The following B4GALT4 variants were observed in gnomAD, a reference collection of about 807,000 sequenced individuals.
B4GALT4 encodes beta-1,4-galactosyltransferase 4.
A neutral mutation model predicts 37.3 loss-of-function variants in B4GALT4; 27 were observed. That is an observed-to-expected ratio of 0.72 (90% CI 0.53 to 1.00). The LOEUF is 1.00. B4GALT4 is among the 50% of genes least tolerant of loss of function. B4GALT4 has a pLI of 0.00. For missense variants in B4GALT4, 372 were observed against 413.1 expected (o/e 0.90, Z 0.86); for synonymous variants, 148 against 154.1 (o/e 0.96, Z 0.29).
intron 2 of B4GALT4, among the ~76,000 whole-genome samples, chr3:119,235,744 T>C (rs895269091): frequency 6.6e-5 from 10 of 152,184 alleles, no homozygotes; most frequent in African/African-American, 1.9e-4. Context: ...ATGACAGCCA[T>C]TTACATGTAC....
At chr3:119,221,941 A>G (rs1427367038) in intron 5 of B4GALT4, among the ~76,000 whole-genome samples, 1 of 152,234 alleles carries the variant, frequency 6.6e-6, no homozygotes, top group East Asian at 1.9e-4. Context: ...TGTTTCTCAG[A>G]GTGAGCGGCA....
Position 119,229,847 on chromosome 3 carries a change from T to C in B4GALT4, c.253A>G (p.Arg85Gly). ...ATCAAAGGAAAAAAGCAACACTTAC[T>C]GAGGTAAGGAGACACAGAAGGGCAG... ...DNCPSVSPYL[R>G]GQSKLIFKPD... Residue 85 changes from arginine (R) to glycine (G), a missense_variant and splice_region_variant, in exon 3 of 8, where the codon AGA (arginine) becomes GGA (glycine). Transcript: ENST00000393765. 6.2e-7 allele frequency: 1 copy of C among 1,613,346 alleles called. No homozygotes were observed. Among genetic ancestry groups the C allele is most frequent in the South Asian group, 1.1e-5 (1 of 90,956 alleles).
Position 119,224,078 on chromosome 3 carries a change from G to A in B4GALT4, c.654C>T (p.Gly218=), listed in dbSNP as rs769495653. ...CTTACCTGTACCCAGTGCTGTTCCT[G>A]CCAACCACCAGATGCTTGGGATGCT... The part of the protein sequence containing the change: ...CEEHPKHLVV[G]RNSTGYRLRY... Residue 218 remains glycine, a synonymous_variant, in exon 5 of 8, where the codon GGC becomes GGT. Transcript: ENST00000393765. 6.2e-7 allele frequency: 1 copy of A among 1,613,370 alleles called. No homozygotes were observed. The highest frequency in any genetic ancestry group is 1.1e-5 in the South Asian group (1 of 90,922).
At chr3:119,232,350 T>C (rs968986757) in intron 2 of B4GALT4, 4 of 152,244 alleles carry the variant, frequency 2.6e-5, no homozygotes, top group Non-Finnish European at 5.9e-5. Flanking sequence ...AACCATATGA[T>C]GTAAGAATTA....
At chr3:119,215,565 C>T (rs1446715197) in intron 7 of B4GALT4, 3 of 152,148 alleles carry the variant, frequency 2.0e-5, no homozygotes, top group Non-Finnish European at 2.9e-5. Flanking sequence ...CTATCCTGTT[C>T]GTTCTGTCCC....
At chr3:119,229,550 A>T (rs1294325505) in intron 3 of B4GALT4, among the ~76,000 whole-genome samples, 3 of 152,236 alleles carry the variant, frequency 2.0e-5, no homozygotes, top group Non-Finnish European at 4.4e-5. Context: ...TTGAAGCCGG[A>T]GTGGTGACTG....
At chr3:119,218,506 C>T (rs994644045) in intron 6 of B4GALT4, 144 bp downstream of exon 6, 1 of 1,154,108 alleles carries the variant, frequency 8.7e-7, no homozygotes, top group Non-Finnish European at 1.2e-6. Context: ...TCCTACCTTC[C>T]CTCCACCCCC....
At chr3:119,224,340 A>C in intron 4 of B4GALT4, 95 bp from the exon 5 acceptor site, 1 of 889,162 alleles carries the variant, frequency 1.1e-6, no homozygotes, top group Non-Finnish European at 1.6e-6. Context: ...TATTATTCTA[A>C]TTATTCTACG....
intron 1 of B4GALT4, chr3:119,240,280 G>C (rs972168042): frequency 6.6e-6 from 1 of 152,042 alleles, no homozygotes; most frequent in Non-Finnish European, 1.5e-5. Context: ...CTTATCTAAT[G>C]GAAGACAGAA....
intron 4 of B4GALT4, among the ~76,000 whole-genome samples, chr3:119,225,063 A>G (rs6438508): frequency 0.75 from 114,369 of 152,056 alleles, 43,394 homozygotes; most frequent in African/African-American, 0.85. Flanking sequence ...AGAAAGAGAA[A>G]GTTATTGCTA....
intron 1 of B4GALT4, among the ~76,000 whole-genome samples, chr3:119,237,454 C>T (rs894231280): frequency 6.6e-6 from 1 of 152,194 alleles, no homozygotes; most frequent in African/African-American, 2.4e-5. Context: ...CCAAGAGAGC[C>T]TTTATCAAAT....
chr3:119,239,696 T>C (rs1460115825), intron 1 of B4GALT4, among the ~76,000 whole-genome samples: 3 of 152,248 alleles, frequency 2.0e-5, no homozygotes, highest in African/African-American at 7.2e-5. Flanking sequence ...TCACAACGTA[T>C]GTTTTCAATC....
At chr3:119,212,702 T>C in intron 7 of B4GALT4, 21 bp from the exon 8 acceptor site, 1 of 1,570,262 alleles carries the variant, frequency 6.4e-7, no homozygotes, top group Non-Finnish European at 8.6e-7. Context: ...AAAGAACAAA[T>C]GTGAATGATA....
rs566009738 is a variant in B4GALT4, at chr3:119,228,206, G to A, written c.254-1165C>T. On this transcript the variant is annotated intron_variant, in intron 3 of 7. Coordinates refer to ENST00000393765, the MANE Select transcript of B4GALT4 (RefSeq NM_003778.4). The stretch of plus-strand genomic sequence containing the variant: ...AACCTGACTGTGTCTCTGTTCTTGC[G>A]CGCTCAAAGAGCCTCACGCAACAGG... Among the ~76,000 whole-genome samples the A allele has an allele frequency of 1.6e-4, 24 of 152,204 alleles. No individual in the cohort carries two copies. The South Asian group carries it at 2.5e-3, about 16-fold the overall frequency.
intron 4 of B4GALT4, chr3:119,226,608 T>C: frequency 1.7e-6 from 1 of 584,522 alleles, no homozygotes; most frequent in South Asian, 2.1e-5. Flanking sequence ...GGCAGTAAAA[T>C]TTCCCAGAAC....
chr3:119,228,205 C>T (rs932208805), intron 3 of B4GALT4, among the ~76,000 whole-genome samples: 1 of 152,158 alleles, frequency 6.6e-6, no homozygotes, highest in Non-Finnish European at 1.5e-5. Flanking sequence ...TCTGTTCTTG[C>T]GCGCTCAAAG....
intron 6 of B4GALT4, among the ~76,000 whole-genome samples, chr3:119,217,392 C>T (rs146925996): frequency 2.1e-4 from 32 of 152,324 alleles, no homozygotes; most frequent in Non-Finnish European, 4.3e-4. Context: ...AGCCCCTGGT[C>T]AGGGGAATCC....
intron 1 of B4GALT4, chr3:119,239,989 TA>T (rs2079100254): frequency 2.3e-5 from 2 of 85,442 alleles, no homozygotes; most frequent in Non-Finnish European, 2.2e-5. Context: ...TTCCTTTCTT[TA>T]AAAATTTAAA....
intron 7 of B4GALT4, chr3:119,215,558 T>C (rs905191705): frequency 1.3e-5 from 2 of 152,226 alleles, no homozygotes; most frequent in African/African-American, 4.8e-5. Flanking sequence ...TATACATCTA[T>C]CCTGTTCGTT....
Sources: allele counts gnomAD v4.1 joint callset (sites outside exome capture counted in the v4.1 genomes callset), GRCh38; gene constraint gnomAD v4.1.1; transcripts MANE v1.5; gene names NCBI Gene and HGNC (gene_info 2026-07-23, HGNC 2026-07-21).